TENM3: variants seen among roughly 807,000 people sequenced by gnomAD.
TENM3 encodes teneurin-3.
A neutral mutation model predicts 255.1 loss-of-function variants in TENM3; 63 were observed. The observed-to-expected ratio is 0.25, with a 90% confidence interval of 0.20 to 0.30. The LOEUF (loss-of-function observed/expected upper bound fraction) is 0.30, where lower values mean the gene tolerates loss of function less well. Ranked by LOEUF, TENM3 falls within the 10% of genes least tolerant of loss-of-function variation. TENM3 has a pLI of 1.00. For missense variants in TENM3, 2,929 were observed against 3,461.1 expected (o/e 0.85, Z 3.86); for synonymous variants, 1,306 against 1,322.3 (o/e 0.99, Z 0.27).
intron 1 of TENM3, among the ~76,000 whole-genome samples, chr4:182,225,769 A>C (rs1360958170): frequency 6.6e-6 from 1 of 152,200 alleles, no homozygotes; most frequent in Non-Finnish European, 1.5e-5. Context: ...CAGGGAAGAA[A>C]GTGGCTTTCT....
At chr4:181,586,553 A>C in the TENM3 span, among the ~76,000 whole-genome samples, 2 of 152,124 alleles carry the variant, frequency 1.3e-5, no homozygotes, top group South Asian at 4.2e-4. Flanking sequence ...TAAAAACAAA[A>C]CCAAAGGGCC....
At chr4:182,212,238 C>G (rs2149897078) in intron 1 of TENM3, among the ~76,000 whole-genome samples, 1 of 152,330 alleles carries the variant, frequency 6.6e-6, no homozygotes, top group African/African-American at 2.4e-5. Flanking sequence ...TGGGAGCTTG[C>G]TGTGATGTGC....
chr4:182,050,548 A>T, the TENM3 span, among the ~76,000 whole-genome samples: 7 of 152,224 alleles, frequency 4.6e-5, no homozygotes, highest in African/African-American at 1.7e-4. Context: ...TCACACCTGT[A>T]ATCCCAGCAC....
chr4:181,968,138 T>C, the TENM3 span, among the ~76,000 whole-genome samples: 1 of 152,132 alleles, frequency 6.6e-6, no homozygotes, highest in African/African-American at 2.4e-5. Flanking sequence ...TGATGATGGA[T>C]GGAAGATATT....
At chr4:181,468,021 T>A in the TENM3 span, among the ~76,000 whole-genome samples, 1 of 151,304 alleles carries the variant, frequency 6.6e-6, no homozygotes, top group African/African-American at 2.4e-5. Flanking sequence ...AAAGGCCTGG[T>A]GCAGTGGCTC....
At chr4:182,680,797 C>T in intron 10 of TENM3, 60 bp downstream of exon 10, 1 of 1,316,030 alleles carries the variant, frequency 7.6e-7, no homozygotes, top group Non-Finnish European at 1.0e-6. Flanking sequence ...CAGATTGTAT[C>T]TGTAATCTTT....
the TENM3 span, among the ~76,000 whole-genome samples, chr4:181,581,962 A>G: frequency 2.6e-5 from 4 of 151,848 alleles, no homozygotes; most frequent in Non-Finnish European, 1.5e-5. Flanking sequence ...TGAATTCCCA[A>G]CCTCAGGCGA....
At chr4:181,930,996 G>C in the TENM3 span, among the ~76,000 whole-genome samples, 1 of 152,070 alleles carries the variant, frequency 6.6e-6, no homozygotes, top group South Asian at 2.1e-4. Context: ...CAATAAACTA[G>C]CTATTGATGG....
At chr4:182,226,763 T>C (rs1273359602) in intron 1 of TENM3, among the ~76,000 whole-genome samples, 1 of 152,174 alleles carries the variant, frequency 6.6e-6, no homozygotes, top group African/African-American at 2.4e-5. Flanking sequence ...AAGTTCACTT[T>C]CATTTTATTG....
intron 1 of TENM3, among the ~76,000 whole-genome samples, chr4:182,292,643 C>T (rs1413349904): frequency 6.6e-6 from 1 of 152,176 alleles, no homozygotes; most frequent in Non-Finnish European, 1.5e-5. Flanking sequence ...TCTCTTCTCT[C>T]TTTCCCTCTC....
chr4:181,806,558 T>G, the TENM3 span, among the ~76,000 whole-genome samples: 2 of 152,220 alleles, frequency 1.3e-5, no homozygotes, highest in Non-Finnish European at 2.9e-5. Flanking sequence ...TAAAAAGGGC[T>G]TCTTGGCTCT....
intron 3 of TENM3, among the ~76,000 whole-genome samples, chr4:182,548,935 T>C (rs531429078): frequency 4.6e-5 from 7 of 152,310 alleles, no homozygotes; most frequent in Non-Finnish European, 7.4e-5. Flanking sequence ...ATTTTTATGA[T>C]TGCTTTATGA....
intron 24 of TENM3, among the ~76,000 whole-genome samples, chr4:182,777,869 AT>A (rs2152804573): frequency 6.7e-6 from 1 of 150,324 alleles, no homozygotes. Context: ...ATATATATAT[AT>A]ATATGTTTAA....
the TENM3 span, among the ~76,000 whole-genome samples, chr4:181,638,710 T>C: frequency 6.6e-6 from 1 of 152,314 alleles, no homozygotes; most frequent in Admixed American, 6.5e-5. Flanking sequence ...ATGATCATCA[T>C]AGTTTGAGAT....
At chr4:182,474,181 A>G (rs1733436635) in intron 3 of TENM3, among the ~76,000 whole-genome samples, 3 of 152,180 alleles carry the variant, frequency 2.0e-5, no homozygotes. Context: ...GCAACTGTTC[A>G]GGCTTACCTA....
chr4:182,188,821 C>A (rs1233470955), intron 1 of TENM3, among the ~76,000 whole-genome samples: 1 of 152,170 alleles, frequency 6.6e-6, no homozygotes, highest in African/African-American at 2.4e-5. Flanking sequence ...CTGCCCAGTC[C>A]TAGAGATGTG....
the TENM3 span, among the ~76,000 whole-genome samples, chr4:182,047,865 T>C: frequency 1.3e-5 from 2 of 152,142 alleles, no homozygotes; most frequent in Non-Finnish European, 2.9e-5. Context: ...ATTTATGAGA[T>C]ACAGTTTTCC....
At chr4:181,731,156 T>C in the TENM3 span, among the ~76,000 whole-genome samples, 6 of 152,296 alleles carry the variant, frequency 3.9e-5, no homozygotes, top group East Asian at 1.2e-3. Flanking sequence ...AAGAATATCA[T>C]ATGAGATACA....
At chr4:182,161,622 T>C in intron 1 of TENM3, among the ~76,000 whole-genome samples, 1 of 106,238 alleles carries the variant, frequency 9.4e-6, no homozygotes, top group Non-Finnish European at 1.8e-5. Context: ...TGTATATATA[T>C]ATACAAATAT....
Sources: gnomAD v4.1 joint callset for allele counts (sites outside exome capture counted in the v4.1 genomes callset) on GRCh38, gnomAD v4.1.1 for gene constraint, MANE v1.5 for transcripts, NCBI Gene and HGNC (gene_info 2026-07-23, HGNC 2026-07-21) for gene names.